Variants in CUL1 observed in about 807,000 individuals in gnomAD.
The protein encoded by CUL1 is cullin 1.
CUL1 carries 24 observed loss-of-function variants against 118.0 expected under a neutral mutation model. That is an observed-to-expected ratio of 0.20 (90% confidence interval 0.15 to 0.29). The LOEUF is 0.29. Ranked by LOEUF, CUL1 falls within the 10% of genes least tolerant of loss-of-function variation. The probability of loss-of-function intolerance (pLI) is 1.00; values close to 1 mark genes in which losing one functional copy is unlikely to be tolerated. For synonymous variants in CUL1, 332 were observed against 340.4 expected, an observed-to-expected ratio of 0.98 and a Z score of 0.27; for missense variants, 361 against 933.8, an observed-to-expected ratio of 0.39 and a Z score of 7.99.
At chr7:148,764,680 C>T (rs1799947982) in intron 7 of CUL1, among the ~76,000 whole-genome samples, 1 of 152,206 alleles carries the variant, frequency 6.6e-6, no homozygotes, top group African/African-American at 2.4e-5. Flanking sequence ...CTATATTCCA[C>T]CAGCTTTAGG....
At chr7:148,701,708 G>A (rs1797725019) in intron 1 of CUL1, among the ~76,000 whole-genome samples, 1 of 152,184 alleles carries the variant, frequency 6.6e-6, no homozygotes, top group African/African-American at 2.4e-5. Context: ...TCATCAGAAT[G>A]TCATTCCCAG....
intron 1 of CUL1, among the ~76,000 whole-genome samples, chr7:148,722,502 G>T (rs545459729): frequency 6.6e-6 from 1 of 152,058 alleles, no homozygotes; most frequent in South Asian, 2.1e-4. Flanking sequence ...CCTGTCCCCC[G>T]CCATCCTGCA....
At chr7:148,723,509 T>C (rs910896584) in intron 1 of CUL1, among the ~76,000 whole-genome samples, 3 of 152,138 alleles carry the variant, frequency 2.0e-5, no homozygotes, top group Non-Finnish European at 4.4e-5. Context: ...ATTTATCAGA[T>C]AGGTACATAC....
chr7:148,721,307 C>G (rs1183104445), intron 1 of CUL1, among the ~76,000 whole-genome samples: 3 of 152,188 alleles, frequency 2.0e-5, no homozygotes, highest in Non-Finnish European at 4.4e-5. Flanking sequence ...TTCCCAAACC[C>G]ATCGTTACCC....
intron 9 of CUL1, among the ~76,000 whole-genome samples, chr7:148,779,884 C>G (rs1427224036): frequency 2.0e-5 from 3 of 152,186 alleles, no homozygotes; most frequent in Non-Finnish European, 4.4e-5. Flanking sequence ...TGGGCACAAT[C>G]TAATCAGCTG....
At chr7:148,733,071 G>A (rs1286767659) in intron 2 of CUL1, among the ~76,000 whole-genome samples, 3 of 152,180 alleles carry the variant, frequency 2.0e-5, no homozygotes, top group East Asian at 3.8e-4. Flanking sequence ...CCAGGAACCT[G>A]GTTGTACAGC....
intron 2 of CUL1, among the ~76,000 whole-genome samples, chr7:148,735,246 T>C (rs1394992492): frequency 1.3e-5 from 2 of 152,238 alleles, no homozygotes; most frequent in Non-Finnish European, 2.9e-5. Flanking sequence ...CGGGGCACTT[T>C]TTCACCCGAG....
At chr7:148,713,354 A>G (rs1258427684) in intron 1 of CUL1, among the ~76,000 whole-genome samples, 1 of 152,146 alleles carries the variant, frequency 6.6e-6, no homozygotes, top group Admixed American at 6.5e-5. Flanking sequence ...ATATAATGTG[A>G]TTGTGATTTT....
At chr7:148,769,448 C>CAAAA (rs1491112172) in intron 9 of CUL1, among the ~76,000 whole-genome samples, 1 of 131,180 alleles carries the variant, frequency 7.6e-6, no homozygotes, top group African/African-American at 2.8e-5. Context: ...CACACACACA[C>CAAAA]AAAACGCTCA....
At chr7:148,723,857 C>T (rs1408232826) in intron 1 of CUL1, among the ~76,000 whole-genome samples, 1 of 150,622 alleles carries the variant, frequency 6.6e-6, no homozygotes, top group Non-Finnish European at 1.5e-5. Flanking sequence ...TACTACTGGT[C>T]TCAAGATACG....
intron 9 of CUL1, among the ~76,000 whole-genome samples, chr7:148,773,174 A>AAG (rs765124576): frequency 1.4e-4 from 21 of 152,156 alleles, no homozygotes; most frequent in Non-Finnish European, 2.6e-4. Flanking sequence ...AAGCAGAATA[A>AAG]AGCCCTTCCT....
chr7:148,740,678 TG>T (rs1799114159), intron 2 of CUL1, among the ~76,000 whole-genome samples: 1 of 152,314 alleles, frequency 6.6e-6, no homozygotes, highest in Non-Finnish European at 1.5e-5. Flanking sequence ...TATATTTGGA[TG>T]GTATTTGGAG....
chr7:148,707,010 T>C (rs184633856), intron 1 of CUL1, among the ~76,000 whole-genome samples: 44 of 152,222 alleles, frequency 2.9e-4, no homozygotes, highest in Admixed American at 2.2e-3. Flanking sequence ...CAGGGAGATA[T>C]ATCTTATAGG....
At chr7:148,761,861 G>A (rs1481354404) in intron 7 of CUL1, among the ~76,000 whole-genome samples, 1 of 152,236 alleles carries the variant, frequency 6.6e-6, no homozygotes, top group Non-Finnish European at 1.5e-5. Context: ...GGGGGAAGAA[G>A]GGGGATGGTT....
In CUL1 at chr7:148,754,076, G is replaced by T; in HGVS notation, c.241G>T (p.Ala81Ser). The change falls in exon 3 of 22, where the codon GCT (alanine) becomes TCT (serine). Residue 81 changes from alanine to serine, a missense_variant. Transcript: ENST00000325222. ...GAAAAAGGGGCAGACACCTGGAGGA[G>T]CTCAGTTTGTTGGCCTGGAATTATA... ...KSKKGQTPGG[A>S]QFVGLELYKR... 1 of 1,613,804 alleles carries T rather than the reference G, an allele frequency of 6.2e-7. No individual in the cohort carries two copies. Among genetic ancestry groups the T allele is most frequent in the Non-Finnish European group, 8.5e-7 (1 of 1,179,848 alleles).
intron 9 of CUL1, among the ~76,000 whole-genome samples, chr7:148,772,275 C>T (rs1482759158): frequency 6.6e-6 from 1 of 152,188 alleles, no homozygotes; most frequent in Non-Finnish European, 1.5e-5. Flanking sequence ...ATTAGCCGGG[C>T]GTGTTAGCAG....
At chr7:148,717,058 G>GTTTTGTTTTA (rs1798236516) in intron 1 of CUL1, among the ~76,000 whole-genome samples, 1 of 151,810 alleles carries the variant, frequency 6.6e-6, no homozygotes, top group Non-Finnish European at 1.5e-5. Context: ...GTTTTGTTTT[G>GTTTTGTTTTA]TTTTGTTTTG....
At chr7:148,736,563 A>G (rs1798950672) in intron 2 of CUL1, among the ~76,000 whole-genome samples, 1 of 152,194 alleles carries the variant, frequency 6.6e-6, no homozygotes. Flanking sequence ...TTGGCCTCCC[A>G]AAGTTGTGGG....
At chr7:148,766,204 T>C (rs1362773895) in intron 7 of CUL1, among the ~76,000 whole-genome samples, 1 of 145,518 alleles carries the variant, frequency 6.9e-6, no homozygotes, top group East Asian at 2.1e-4. Flanking sequence ...AATCATAGCT[T>C]ACTATGTCCT....
Sources: allele counts gnomAD v4.1 joint callset (sites outside exome capture counted in the v4.1 genomes callset), GRCh38; gene constraint gnomAD v4.1.1; transcripts MANE v1.5; gene names NCBI Gene and HGNC (gene_info 2026-07-23, HGNC 2026-07-21).